The following CNTLN variants were observed in gnomAD, a reference collection of about 807,000 sequenced individuals.
The protein encoded by CNTLN is centlein, centrosomal protein.
In CNTLN, 212 loss-of-function variants were observed where a neutral mutation model predicts 180.0. That is an observed-to-expected ratio of 1.18 (90% CI 1.05 to 1.32). CNTLN has a LOEUF of 1.32. Ranked by LOEUF, CNTLN falls within the 40% of genes most tolerant of loss-of-function variation. The pLI is 0.00. For synonymous variants in CNTLN, 722 were observed against 563.1 expected, an observed-to-expected ratio of 1.28 and a Z score of -3.99; for missense variants, 2,095 against 1,610.9, an observed-to-expected ratio of 1.30 and a Z score of -5.14.
chr9:17,155,785 A>G (rs530378848), intron 2 of CNTLN, among the ~76,000 whole-genome samples: 4 of 147,244 alleles, frequency 2.7e-5, no homozygotes, highest in South Asian at 2.2e-4. Context: ...TAGGGTATGG[A>G]AAAAAAAAAA....
At chr9:17,237,244 TTTC>T (rs1825201729) in intron 5 of CNTLN, among the ~76,000 whole-genome samples, 1 of 148,778 alleles carries the variant, frequency 6.7e-6, no homozygotes, top group Non-Finnish European at 1.5e-5. Context: ...TTTTTGCTAA[TTTC>T]TTTTCTTATT....
intron 13 of CNTLN, among the ~76,000 whole-genome samples, chr9:17,369,003 C>T (rs1208541723): frequency 6.6e-6 from 1 of 152,162 alleles, no homozygotes; most frequent in Non-Finnish European, 1.5e-5. Flanking sequence ...CCATAAGGAT[C>T]AAGACTATCC....
intron 5 of CNTLN, among the ~76,000 whole-genome samples, chr9:17,242,021 C>G (rs978484181): frequency 6.6e-6 from 1 of 152,008 alleles, no homozygotes; most frequent in Non-Finnish European, 1.5e-5. Context: ...ATTTCCTTTC[C>G]AACTTGGATG....
In CNTLN at chr9:17,277,268, G is replaced by A. The variant is rs919839484; in HGVS notation, c.983+3402G>A. On this transcript the variant is annotated intron_variant, in intron 6 of 25. Coordinates refer to ENST00000380647, the MANE Select transcript of CNTLN (RefSeq NM_017738.4). ...TCTGTGGGGGATTGGTTTAGATGGG[G>A]TAGATGGGGTAGAACCATTACCTAA... Among the ~76,000 whole-genome samples the A allele has an allele frequency of 1.2e-4, 9 of 75,572 alleles. 1 individual carries two copies. Among genetic ancestry groups the A allele is most frequent in the Admixed American group, 1.0e-3 (8 of 7,918 alleles). 49.6% of individuals were successfully genotyped at this position (75,572 alleles called of 152,430 possible). A position where few individuals can be genotyped will look rare whatever the true frequency, so the allele number is the denominator to read the frequency against.
At chr9:17,291,064 C>G (rs767992745) in intron 6 of CNTLN, among the ~76,000 whole-genome samples, 10 of 152,160 alleles carry the variant, frequency 6.6e-5, no homozygotes, top group African/African-American at 1.2e-4. Flanking sequence ...ATTATATACC[C>G]AGGAGTCATT....
chr9:17,166,321 A>G (rs1479735238), intron 2 of CNTLN, among the ~76,000 whole-genome samples: 1 of 152,216 alleles, frequency 6.6e-6, no homozygotes. Flanking sequence ...TCCAAAGATT[A>G]TAACAGAGAC....
At chr9:17,457,994 C>T (rs146292206) in intron 19 of CNTLN, among the ~76,000 whole-genome samples, 174 of 152,052 alleles carry the variant, frequency 1.1e-3, no homozygotes, top group African/African-American at 3.7e-3. Flanking sequence ...CTTTCTGCCC[C>T]CATGCCTCCC....
chr9:17,202,574 T>TG (rs1158887284), intron 2 of CNTLN, among the ~76,000 whole-genome samples: 1 of 151,958 alleles, frequency 6.6e-6, no homozygotes, highest in Admixed American at 6.6e-5. Flanking sequence ...CATTATGTAA[T>TG]GCCCTTCTTT....
At chr9:17,366,298 A>G (rs1396020529) in intron 12 of CNTLN, among the ~76,000 whole-genome samples, 3 of 149,050 alleles carry the variant, frequency 2.0e-5, no homozygotes, top group South Asian at 2.1e-4. Flanking sequence ...GCTAGTTGTT[A>G]TTGTTGTTGT....
intron 15 of CNTLN, among the ~76,000 whole-genome samples, chr9:17,399,982 A>T (rs1162375506): frequency 6.6e-6 from 1 of 152,018 alleles, no homozygotes; most frequent in Non-Finnish European, 1.5e-5. Context: ...TCGGGTCCTC[A>T]TTTCCTTATG....
intron 6 of CNTLN, among the ~76,000 whole-genome samples, chr9:17,288,495 G>A (rs200392250): frequency 7.0e-6 from 1 of 142,634 alleles, no homozygotes; most frequent in Non-Finnish European, 1.5e-5. Context: ...TTGATTTGGG[G>A]TGGAGAGTTC....
At chr9:17,207,832 T>C (rs1823032870) in intron 2 of CNTLN, among the ~76,000 whole-genome samples, 1 of 152,176 alleles carries the variant, frequency 6.6e-6, no homozygotes, top group African/African-American at 2.4e-5. Flanking sequence ...TCATGCAACT[T>C]TACTGAATTT....
intron 2 of CNTLN, among the ~76,000 whole-genome samples, chr9:17,222,641 C>T (rs145251770): frequency 1.3e-5 from 2 of 152,138 alleles, no homozygotes; most frequent in African/African-American, 4.8e-5. Flanking sequence ...TCCAAGTAAA[C>T]CTCTTTTTCT....
intron 5 of CNTLN, among the ~76,000 whole-genome samples, chr9:17,246,724 C>A (rs1436613536): frequency 6.6e-6 from 1 of 152,154 alleles, no homozygotes; most frequent in South Asian, 2.1e-4. Flanking sequence ...GTCCTCTATT[C>A]CATTATGGTT....
intron 14 of CNTLN, among the ~76,000 whole-genome samples, chr9:17,394,260 A>T (rs1826322927): frequency 6.6e-6 from 1 of 152,174 alleles, no homozygotes; most frequent in Non-Finnish European, 1.5e-5. Flanking sequence ...GGCACTTATG[A>T]TCTCAGAAGA....
chr9:17,146,244 G>A (rs1024183094), intron 2 of CNTLN, among the ~76,000 whole-genome samples: 1 of 152,082 alleles, frequency 6.6e-6, no homozygotes, highest in African/African-American at 2.4e-5. Flanking sequence ...TTAGCACTCT[G>A]TTAGAGGTTG....
chr9:17,425,736 A>T (rs762511489), intron 18 of CNTLN, among the ~76,000 whole-genome samples: 21 of 150,976 alleles, frequency 1.4e-4, no homozygotes, highest in Middle Eastern at 6.8e-3. Flanking sequence ...ATGATAAAAT[A>T]TTTTTTTTAA....
At chr9:17,442,209 C>A (rs1830152235) in intron 18 of CNTLN, among the ~76,000 whole-genome samples, 1 of 152,162 alleles carries the variant, frequency 6.6e-6, no homozygotes, top group Non-Finnish European at 1.5e-5. Flanking sequence ...CCAACAACAG[C>A]AGAATATATA....
intron 2 of CNTLN, among the ~76,000 whole-genome samples, chr9:17,191,634 AATAAT>A (rs1209291217): frequency 6.6e-6 from 1 of 152,202 alleles, no homozygotes; most frequent in African/African-American, 2.4e-5. Context: ...GAAATTAAGG[AATAAT>A]ATATGACATT....
Sources: gnomAD v4.1 joint callset for allele counts (sites outside exome capture counted in the v4.1 genomes callset) on GRCh38, gnomAD v4.1.1 for gene constraint, MANE v1.5 for transcripts, NCBI Gene and HGNC (gene_info 2026-07-23, HGNC 2026-07-21) for gene names.